Variants in SMC1B observed in about 807,000 individuals in gnomAD.
The protein encoded by SMC1B is structural maintenance of chromosomes 1B, also known as structural maintenance of chromosomes protein 1B.
In SMC1B, 60 loss-of-function variants were observed where a neutral mutation model predicts 157.9. That is an observed-to-expected ratio of 0.38 (90% CI 0.31 to 0.47). SMC1B has a LOEUF of 0.47. Among genes scored for constraint, SMC1B ranks in the 20% least tolerant of loss-of-function variants. The pLI, the probability that SMC1B is intolerant of heterozygous loss-of-function variation, is 0.99. For synonymous variants in SMC1B, 445 were observed against 483.0 expected (o/e 0.92, Z 1.03); for missense variants, 1,165 against 1,426.2 (o/e 0.82, Z 2.95).
intron 22 of SMC1B, among the ~76,000 whole-genome samples, chr22:45,351,663 C>A (rs770725427): frequency 3.9e-4 from 60 of 152,304 alleles, no homozygotes; most frequent in Non-Finnish European, 7.4e-4. Flanking sequence ...ATCCTCCCAC[C>A]TCAGCCTCTG....
At position 45,409,582 on chromosome 22, in the gene SMC1B, AAAT is replaced by A. The variant is rs1295969176; in HGVS notation, c.110-687_110-685del. Reference sequence around the variant, plus strand: ...TCCAACTCTAAATAAATAAATAAATAAATAAATAAATAAATAAATAAATAAATA... The same window carrying A: ...TCCAACTCTAAATAAATAAATAAATAAAATAAATAAATAAATAAATAAATA... On this transcript the variant is annotated intron_variant, in intron 1 of 24. Transcript: ENST00000357450. Among the ~76,000 whole-genome samples the A allele has an allele frequency of 3.3e-3, 253 of 77,590 alleles. 1 individual carries two copies. Among genetic ancestry groups the A allele is most frequent in the Non-Finnish European group, 3.4e-3 (164 of 48,150 alleles). The allele number at this position is 77,590 out of a possible 152,430, so 50.9% of individuals were successfully genotyped here.
In SMC1B at chr22:45,394,678, T is replaced by C. The variant is rs1374379392; in HGVS notation, c.1337+7A>G. The stretch of plus-strand genomic sequence containing the variant: ...TTGCTGCAAGAAATTTTTTTTACTC[T>C]ACCTACATGCATGTCTTTGTATACT... On this transcript the variant is annotated splice_region_variant and intron_variant, in intron 8 of 24. Coordinates refer to ENST00000357450, the MANE Select transcript of SMC1B (RefSeq NM_148674.5). The C allele has an allele frequency of 1.3e-6, 2 of 1,520,396 alleles. No individual in the cohort carries two copies. Among genetic ancestry groups the C allele is most frequent in the African/African-American group, 2.8e-5 (2 of 71,046 alleles). 94.2% of individuals were successfully genotyped at this position (1,520,396 alleles called of 1,614,324 possible).
Position 45,386,895 on chromosome 22 carries a change from A to T in SMC1B, c.1883T>A (p.Ile628Asn), listed in dbSNP as rs748525314. Residue 628 changes from isoleucine (I) to asparagine (N), a missense_variant, in exon 11 of 25, where the codon ATT (isoleucine) becomes AAT (asparagine). Coordinates refer to ENST00000357450, the MANE Select transcript of SMC1B (RefSeq NM_148674.5). ...VCETMEEARH[I>N]ALSGPERQKT... ...CTGTCTTTCAGGTCCACTGAGTGCA[A>T]TATGCCTTGCTTCTTCCATAGTCTC... 1 of 1,613,964 alleles carries T rather than the reference A, an allele frequency of 6.2e-7. No homozygotes were observed.
intron 5 of SMC1B, among the ~76,000 whole-genome samples, chr22:45,399,950 C>T (rs2087173169): frequency 6.6e-6 from 1 of 152,094 alleles, no homozygotes; most frequent in Admixed American, 6.5e-5. Flanking sequence ...CCAGATTTCC[C>T]ATTGTTGAAG....
intron 21 of SMC1B, among the ~76,000 whole-genome samples, chr22:45,352,953 A>ACTGTAGATAC (rs1207814570): frequency 1.3e-5 from 2 of 152,196 alleles, no homozygotes. Flanking sequence ...TGGGCCAGGT[A>ACTGTAGATAC]CTGTAGATAA....
chr22:45,383,421 C>T, intron 12 of SMC1B, 46 bp downstream of exon 12: 1 of 1,437,938 alleles, frequency 7.0e-7, no homozygotes, highest in Admixed American at 2.5e-5. Context: ...TTTAAAAACA[C>T]AATTATTCTA....
intron 12 of SMC1B, among the ~76,000 whole-genome samples, chr22:45,382,280 T>C (rs1047174087): frequency 4.9e-4 from 75 of 152,278 alleles, no homozygotes; most frequent in African/African-American, 1.8e-3. Context: ...GTGAAAGAAA[T>C]ACTCAGCAAT....
chr22:45,370,282 T>C (rs1008205267), intron 14 of SMC1B, among the ~76,000 whole-genome samples: 2 of 152,170 alleles, frequency 1.3e-5, no homozygotes, highest in Non-Finnish European at 2.9e-5. Flanking sequence ...AAGATCATAA[T>C]TGGCCTTATT....
chr22:45,361,802 C>G, intron 17 of SMC1B, 37 bp downstream of exon 17: 3 of 1,593,310 alleles, frequency 1.9e-6, no homozygotes, highest in Non-Finnish European at 2.6e-6. Flanking sequence ...GTTTAAAACT[C>G]TGACTAGGTC....
chr22:45,362,152 A>T (rs532469523), intron 16 of SMC1B, among the ~76,000 whole-genome samples, 168 bp from the exon 17 acceptor site: 3 of 152,172 alleles, frequency 2.0e-5, no homozygotes, highest in African/African-American at 4.8e-5. Context: ...CACTTTTTAG[A>T]AACTGGTGAT....
chr22:45,408,730 G>A lies in SMC1B; in HGVS notation c.278C>T (p.Thr93Ile). The A allele has an allele frequency of 6.3e-7, 1 of 1,593,402 alleles. No homozygotes were observed. The highest frequency in any genetic ancestry group is 1.2e-5 in the South Asian group (1 of 86,098). The change falls in exon 2 of 25, where the codon ACA (threonine) becomes ATA (isoleucine). Residue 93 changes from threonine (T) to isoleucine (I), a missense_variant. Physicochemically the swap from Thr to Ile is moderately conservative, Grantham distance 89. Coordinates refer to ENST00000357450, the MANE Select transcript of SMC1B (RefSeq NM_148674.5). ...AATACCTCGGATAATCCTTGCAAAT[G>A]TTTTCTCTTCGCCACTTTCCTCCAC... ...IYVEESGEEK[T>I]FARIIRGGCS...
chr22:45,395,505 A>G (rs1304921146), intron 7 of SMC1B, among the ~76,000 whole-genome samples: 1 of 152,206 alleles, frequency 6.6e-6, no homozygotes, highest in African/African-American at 2.4e-5. Flanking sequence ...CTTCCAGTCC[A>G]GTAGAGAGGT....
At chr22:45,354,249 G>A (rs181693974) in intron 20 of SMC1B, 117 bp from the exon 21 acceptor site, 16 of 761,744 alleles carry the variant, frequency 2.1e-5, no homozygotes, top group South Asian at 8.1e-5. Context: ...TTGAGTAAAG[G>A]TACCTTCAAA....
intron 4 of SMC1B, among the ~76,000 whole-genome samples, chr22:45,403,970 C>T (rs2087227479): frequency 6.6e-6 from 1 of 152,120 alleles, no homozygotes. Flanking sequence ...GAGACAGAGT[C>T]TCACTCTGTC....
At chr22:45,400,576 C>G (rs1200277666) in intron 5 of SMC1B, among the ~76,000 whole-genome samples, 1 of 152,050 alleles carries the variant, frequency 6.6e-6, no homozygotes, top group Non-Finnish European at 1.5e-5. Context: ...CCAAAAAAAT[C>G]ATGTAGATAC....
chr22:45,353,981 G>A lies in SMC1B; in HGVS notation c.3270C>T (p.Ala1090=), dbSNP rs200420656. The change falls in exon 21 of 25, where the codon GCC becomes GCT. Residue 1090 remains alanine (A), a synonymous_variant. Coordinates refer to ENST00000357450, the MANE Select transcript of SMC1B (RefSeq NM_148674.5). The part of the protein sequence containing the change: ...IYKKLCRNNS[A]QAFLSPENPE... ...TTTGAGGATGAAAGATACATACTTG[G>A]GCGCTGTTGTTTCTGCAGAGCTTCT... 20 of 1,547,338 alleles carry A rather than the reference G, an allele frequency of 1.3e-5. No homozygotes were observed. The highest frequency in any genetic ancestry group is 2.8e-5 in the African/African-American group (2 of 71,860).
intron 10 of SMC1B, among the ~76,000 whole-genome samples, chr22:45,387,569 G>A (rs890893329): frequency 1.3e-5 from 2 of 152,078 alleles, no homozygotes; most frequent in African/African-American, 2.4e-5. Context: ...AAACTTCATC[G>A]AAAGCCACAA....
At chr22:45,360,973 CTTTT>C (rs57185919) in intron 17 of SMC1B, among the ~76,000 whole-genome samples, 4 of 143,072 alleles carry the variant, frequency 2.8e-5, no homozygotes, top group African/African-American at 5.1e-5. Flanking sequence ...GTGCCAGGTA[CTTTT>C]TTTTTTTTTT....
intron 1 of SMC1B, among the ~76,000 whole-genome samples, chr22:45,412,429 G>A (rs571376043): frequency 5.6e-4 from 78 of 139,138 alleles, no homozygotes; most frequent in African/African-American, 2.1e-3. Context: ...TCGAACTCCT[G>A]ATCTCATGAT....
Sources: allele counts gnomAD v4.1 joint callset (sites outside exome capture counted in the v4.1 genomes callset), GRCh38; gene constraint gnomAD v4.1.1; transcripts MANE v1.5; gene names NCBI Gene and HGNC (gene_info 2026-07-23, HGNC 2026-07-21).